Variants in DUSP16 observed in about 807,000 individuals in gnomAD.
The protein encoded by DUSP16 is dual specificity protein phosphatase 16.
In DUSP16, 21 loss-of-function variants were observed where a neutral mutation model predicts 58.3. That is an observed-to-expected ratio of 0.36 (90% CI 0.26 to 0.52). DUSP16 has a LOEUF of 0.52. Among genes scored for constraint, DUSP16 ranks in the 20% least tolerant of loss-of-function variants. The pLI, the probability that DUSP16 is intolerant of heterozygous loss-of-function variation, is 0.94. For missense variants in DUSP16, 726 were observed against 819.0 expected (o/e 0.89, Z 1.39); for synonymous variants, 320 against 323.8 (o/e 0.99, Z 0.12).
rs1232378924 is a variant in DUSP16, at chr12:12,475,256, T to G, written c.*1577A>C. On this transcript the variant is annotated 3_prime_UTR_variant, in exon 7 of 7. Coordinates refer to ENST00000298573, the MANE Select transcript of DUSP16 (RefSeq NM_030640.3). ...CCCCACCCCCAAAAAGCTGCTGTTG[T>G]GAATTAAGGCTTCAAAAGAGGACCC... The G allele has an allele frequency of 6.7e-6, 1 of 149,932 alleles. No homozygotes were observed. The highest frequency in any genetic ancestry group is 2.0e-4 in the East Asian group (1 of 5,026). 9.3% of individuals were successfully genotyped at this position (149,932 alleles called of 1,614,324 possible).
At chr12:12,484,864 G>A (rs564341458) in intron 5 of DUSP16, among the ~76,000 whole-genome samples, 4 of 152,122 alleles carry the variant, frequency 2.6e-5, no homozygotes, top group East Asian at 3.9e-4. Flanking sequence ...CCCCCATCTC[G>A]GCCTCCCAAA....
rs1944206463 is a variant in DUSP16, at chr12:12,519,935, G to C, written c.294C>G (p.Leu98=). 1 of 1,613,992 alleles carries C rather than the reference G, an allele frequency of 6.2e-7. No homozygotes were observed. Among genetic ancestry groups the C allele is most frequent in the African/African-American group, 1.3e-5 (1 of 74,940 alleles). The change falls in exon 3 of 7, where the codon CTC becomes CTG. Residue 98 remains leucine (L), a synonymous_variant. Transcript: ENST00000298573. ...GTACAGTGAGAAAACAGTCTGAAGA[G>C]AGAGAGGCAACATCTTGGGAGCTTT... ...YDQSSQDVAS[L]SSDCFLTVLL...
intron 1 of DUSP16, among the ~76,000 whole-genome samples, chr12:12,529,116 T>C (rs940190875): frequency 6.6e-6 from 1 of 152,198 alleles, no homozygotes; most frequent in East Asian, 1.9e-4. Context: ...AACTTTTGTT[T>C]TTGTTGTTTT....
chr12:12,546,131 C>T (rs906659660), intron 1 of DUSP16, among the ~76,000 whole-genome samples: 3 of 152,084 alleles, frequency 2.0e-5, no homozygotes, highest in African/African-American at 4.8e-5. Flanking sequence ...GTTATTTATA[C>T]AATATTATAA....
At chr12:12,536,115 C>G (rs1944458629) in intron 1 of DUSP16, among the ~76,000 whole-genome samples, 1 of 152,156 alleles carries the variant, frequency 6.6e-6, no homozygotes, top group African/African-American at 2.4e-5. Flanking sequence ...CCTTACAGTA[C>G]CATACAGTTT....
chr12:12,484,036 T>C (rs955182553), intron 5 of DUSP16, among the ~76,000 whole-genome samples: 24 of 152,044 alleles, frequency 1.6e-4, no homozygotes, highest in Non-Finnish European at 2.2e-4. Context: ...GAATTTGTGT[T>C]TGAGAATAAT....
intron 1 of DUSP16, among the ~76,000 whole-genome samples, chr12:12,525,731 T>TACACAC (rs35552389): frequency 0.075 from 10,972 of 146,102 alleles, 489 homozygotes; most frequent in East Asian, 0.18. Context: ...AATATATGTA[T>TACACAC]ACACACACAC....
intron 1 of DUSP16, among the ~76,000 whole-genome samples, chr12:12,540,970 T>TTTTTTTTTTTTTATG: frequency 7.9e-6 from 1 of 127,288 alleles, no homozygotes; most frequent in Admixed American, 8.4e-5. Context: ...TTTTTTTTTT[T>TTTTTTTTTTTTTATG]TTTGAGCCAG....
chr12:12,485,051 C>A (rs1592166394), intron 5 of DUSP16, among the ~76,000 whole-genome samples: 1 of 150,906 alleles, frequency 6.6e-6, no homozygotes, highest in Non-Finnish European at 1.5e-5. Flanking sequence ...ACTCTGTTAC[C>A]CAGGCTGGAG....
intron 3 of DUSP16, among the ~76,000 whole-genome samples, chr12:12,508,864 A>G (rs1295211790): frequency 2.0e-5 from 3 of 152,232 alleles, no homozygotes; most frequent in African/African-American, 7.2e-5. Flanking sequence ...AAATTTTCAA[A>G]GCACCAGCAG....
At chr12:12,484,419 A>G (rs1248119925) in intron 5 of DUSP16, among the ~76,000 whole-genome samples, 5 of 152,180 alleles carry the variant, frequency 3.3e-5, no homozygotes, top group African/African-American at 1.2e-4. Context: ...AAAGGAAAAA[A>G]TAAGTTGGGA....
chr12:12,532,754 C>T (rs1360642932), intron 1 of DUSP16, among the ~76,000 whole-genome samples: 2 of 152,098 alleles, frequency 1.3e-5, no homozygotes, highest in African/African-American at 4.8e-5. Flanking sequence ...TCGAGAACTA[C>T]TTGGCCAACA....
At chr12:12,521,699 C>A (rs977250381) in intron 1 of DUSP16, among the ~76,000 whole-genome samples, 1 of 152,066 alleles carries the variant, frequency 6.6e-6, no homozygotes, top group South Asian at 2.1e-4. Flanking sequence ...GAAAACAAAA[C>A]AAGACATATC....
intron 4 of DUSP16, among the ~76,000 whole-genome samples, chr12:12,497,218 C>G (rs555064939): frequency 5.5e-4 from 83 of 152,220 alleles, no homozygotes; most frequent in African/African-American, 1.9e-3. Flanking sequence ...CATTTCTTTA[C>G]TTTTAAAGGC....
At chr12:12,522,383 A>G (rs1944250159) in intron 1 of DUSP16, among the ~76,000 whole-genome samples, 1 of 152,188 alleles carries the variant, frequency 6.6e-6, no homozygotes, top group Non-Finnish European at 1.5e-5. Flanking sequence ...CTTTCTTGCC[A>G]AACTCCTTTA....
At chr12:12,506,711 G>A (rs1944002132) in intron 3 of DUSP16, among the ~76,000 whole-genome samples, 1 of 152,202 alleles carries the variant, frequency 6.6e-6, no homozygotes, top group African/African-American at 2.4e-5. Flanking sequence ...TTTCCAGCCT[G>A]CTGAGAAACA....
At chr12:12,513,761 G>C (rs950316908) in intron 3 of DUSP16, among the ~76,000 whole-genome samples, 3 of 152,128 alleles carry the variant, frequency 2.0e-5, no homozygotes, top group African/African-American at 7.2e-5. Context: ...CATGCAGGTT[G>C]ATCTTTATTT....
At position 12,562,562 on chromosome 12, in the gene DUSP16, G is replaced by T. The variant is rs1399919170; in HGVS notation, c.-811C>A. Among the ~76,000 whole-genome samples the T allele has an allele frequency of 6.7e-6, 1 of 148,240 alleles. No individual in the cohort carries two copies. The highest frequency in any genetic ancestry group is 1.5e-5 in the Non-Finnish European group (1 of 66,554). On this transcript the variant is annotated 5_prime_UTR_variant, in exon 1 of 7. Coordinates refer to ENST00000298573, the MANE Select transcript of DUSP16 (RefSeq NM_030640.3). Reference sequence around the variant, plus strand: ...GATACATAGAAAGAGGGGGAAAGGCGGGGGGGTGGGGTGGGGGGTTGGGGG... The same window carrying T: ...GATACATAGAAAGAGGGGGAAAGGCTGGGGGGTGGGGTGGGGGGTTGGGGG...
chr12:12,557,657 T>C (rs368216122), intron 1 of DUSP16, among the ~76,000 whole-genome samples: 17 of 152,210 alleles, frequency 1.1e-4, no homozygotes, highest in African/African-American at 4.1e-4. Context: ...GCAAAGCAAG[T>C]GATTCACAGA....
Sources: allele counts gnomAD v4.1 joint callset (sites outside exome capture counted in the v4.1 genomes callset), GRCh38; gene constraint gnomAD v4.1.1; transcripts MANE v1.5; gene names NCBI Gene and HGNC (gene_info 2026-07-23, HGNC 2026-07-21).